Variants in CACNA1C observed in about 807,000 individuals in gnomAD.
The protein encoded by CACNA1C is calcium voltage-gated channel subunit alpha1 C.
A neutral mutation model predicts 229.0 loss-of-function variants in CACNA1C; 30 were observed. The observed-to-expected ratio is 0.13, with a 90% CI of 0.10 to 0.18. CACNA1C has a LOEUF of 0.18. CACNA1C is among the 10% of genes least tolerant of loss of function. The pLI is 1.00. For synonymous variants in CACNA1C, 1,114 were observed against 1,132.5 expected (o/e 0.98, Z 0.33); for missense variants, 1,658 against 2,845.0 (o/e 0.58, Z 9.49).
chr12:2,472,838 A>T (rs529695373), intron 5 of CACNA1C, among the ~76,000 whole-genome samples: 37 of 152,314 alleles, frequency 2.4e-4, no homozygotes, highest in Admixed American at 3.3e-4. Context: ...GTATTGGTTC[A>T]TCAGCAGACA....
intron 3 of CACNA1C, among the ~76,000 whole-genome samples, chr12:2,294,514 A>T (rs1264704417): frequency 2.6e-5 from 4 of 151,424 alleles, no homozygotes; most frequent in African/African-American, 9.7e-5. Flanking sequence ...GGGGCGGGGG[A>T]GGCTGGCCAG....
rs546928866 is a variant in CACNA1C at position 2,667,465 on chromosome 12, A to T, written c.4623+683A>T. Among the ~76,000 whole-genome samples, 25 of 152,372 alleles carry T rather than the reference A, an allele frequency of 1.6e-4. No individual in the cohort carries two copies. In the South Asian group the frequency reaches 5.0e-3, roughly 30 times the overall value. The stretch of plus-strand genomic sequence containing the variant: ...TGGAAAACGCAGATTGAGGGAACAT[A>T]GAACCTTCTACTTGTGCTCTGTTTA... On this transcript the variant is annotated intron_variant, in intron 37 of 46. Coordinates refer to ENST00000399655, the MANE Select transcript of CACNA1C (RefSeq NM_000719.7).
At chr12:2,594,446 C>A (rs867349499) in intron 19 of CACNA1C, among the ~76,000 whole-genome samples, 1 of 152,076 alleles carries the variant, frequency 6.6e-6, no homozygotes. Flanking sequence ...TTTCTTAATT[C>A]TATTTTCAAC....
intron 3 of CACNA1C, among the ~76,000 whole-genome samples, chr12:2,393,129 G>A (rs1329495831): frequency 1.3e-5 from 2 of 152,272 alleles, no homozygotes; most frequent in East Asian, 3.9e-4. Flanking sequence ...CTCGTAGCTG[G>A]AAGCTAAGGC....
chr12:2,210,355 A>G (rs1465353975), intron 3 of CACNA1C, among the ~76,000 whole-genome samples: 2 of 152,228 alleles, frequency 1.3e-5, no homozygotes, highest in Admixed American at 6.5e-5. Context: ...AAACAGTGGC[A>G]TCTGTAACAG....
chr12:2,178,920 G>A (rs2096748998), intron 3 of CACNA1C, among the ~76,000 whole-genome samples: 1 of 152,130 alleles, frequency 6.6e-6, no homozygotes, highest in African/African-American at 2.4e-5. Context: ...AAATTAGCTA[G>A]TTGAGGTGAC....
At chr12:2,612,190 G>C (rs114441162) in intron 29 of CACNA1C, 177 bp downstream of exon 29, 1 of 572,670 alleles carries the variant, frequency 1.7e-6, no homozygotes. Context: ...GCTGAACCAG[G>C]CCAACTCCAG....
At chr12:2,359,304 G>A (rs1365021526) in intron 3 of CACNA1C, among the ~76,000 whole-genome samples, 4 of 152,138 alleles carry the variant, frequency 2.6e-5, no homozygotes, top group African/African-American at 9.7e-5. Flanking sequence ...GTCCTTCCTG[G>A]CTTTCCAGTG....
At chr12:2,065,378 A>T (rs948671520) in intron 1 of CACNA1C, among the ~76,000 whole-genome samples, 1 of 152,174 alleles carries the variant, frequency 6.6e-6, no homozygotes, top group South Asian at 2.1e-4. Context: ...GAACTGTCTC[A>T]TGCCAGTTGT....
chr12:2,326,176 GGA>G (rs146916366), intron 3 of CACNA1C, among the ~76,000 whole-genome samples: 3,844 of 152,236 alleles, frequency 0.025, 85 homozygotes, highest in Non-Finnish European at 0.041. Flanking sequence ...TGACGAGGGA[GGA>G]GAGAGAGAGC....
At chr12:2,135,815 T>A (rs1296212427) in intron 3 of CACNA1C, among the ~76,000 whole-genome samples, 2 of 146,656 alleles carry the variant, frequency 1.4e-5, no homozygotes, top group South Asian at 2.1e-4. Flanking sequence ...CAGGCCTCCT[T>A]GAGCTGTGGT....
chr12:2,196,818 G>A (rs1350028569), intron 3 of CACNA1C, among the ~76,000 whole-genome samples: 1 of 152,192 alleles, frequency 6.6e-6, no homozygotes, highest in Non-Finnish European at 1.5e-5. Flanking sequence ...GCAGGGTTTA[G>A]CCTTCTTATG....
At chr12:2,568,547 A>C (rs1457107616) in intron 13 of CACNA1C, among the ~76,000 whole-genome samples, 1 of 152,242 alleles carries the variant, frequency 6.6e-6, no homozygotes, top group Non-Finnish European at 1.5e-5. Context: ...TGTATTTTTA[A>C]AATGTGGTCT....
intron 34 of CACNA1C, among the ~76,000 whole-genome samples, chr12:2,662,241 C>A (rs896678185): frequency 1.4e-3 from 185 of 135,548 alleles, no homozygotes; most frequent in Admixed American, 1.5e-3. Context: ...GACCCCATCT[C>A]AAAAAAAAAA....
intron 3 of CACNA1C, among the ~76,000 whole-genome samples, chr12:2,381,542 C>A (rs2098247010): frequency 6.6e-6 from 1 of 152,206 alleles, no homozygotes; most frequent in Non-Finnish European, 1.5e-5. Flanking sequence ...GTTCCCACCT[C>A]ATCTGCAACA....
chr12:1,978,185 C>A (rs1321932800), intron 1 of CACNA1C, among the ~76,000 whole-genome samples: 1 of 152,182 alleles, frequency 6.6e-6, no homozygotes, highest in Non-Finnish European at 1.5e-5. Context: ...AGAAAGGGGG[C>A]ATAGCCTTCT....
intron 1 of CACNA1C, chr12:1,992,824 C>T: frequency 3.2e-6 from 1 of 315,570 alleles, no homozygotes; most frequent in East Asian, 5.5e-5. Context: ...GGCACTCCTA[C>T]AATACAGGCC....
intron 1 of CACNA1C, chr12:1,997,854 T>C (rs538246177): frequency 9.5e-5 from 106 of 1,120,250 alleles, no homozygotes; most frequent in South Asian, 3.5e-4. Context: ...TAAAACTGCA[T>C]GCACTTGAAG....
At chr12:2,419,328 G>T (rs2098949743) in intron 3 of CACNA1C, among the ~76,000 whole-genome samples, 1 of 152,082 alleles carries the variant, frequency 6.6e-6, no homozygotes, top group African/African-American at 2.4e-5. Context: ...AGAGAGGGAG[G>T]GAGGAGGTGT....
Sources: gnomAD v4.1 joint callset for allele counts (sites outside exome capture counted in the v4.1 genomes callset) on GRCh38, gnomAD v4.1.1 for gene constraint, MANE v1.5 for transcripts, NCBI Gene and HGNC (gene_info 2026-07-23, HGNC 2026-07-21) for gene names.